SYNE2: variants seen among roughly 807,000 people sequenced by gnomAD.
SYNE2 encodes nesprin-2.
SYNE2 carries 431 observed loss-of-function variants against 856.3 expected under a neutral mutation model. That is an observed-to-expected ratio of 0.50 (90% CI 0.47 to 0.55). The LOEUF is 0.55. SYNE2 is among the 20% of genes least tolerant of loss of function. SYNE2 has a pLI of 0.00. For missense variants in SYNE2, 8,129 were observed against 8,023.2 expected (o/e 1.01, Z -0.50); for synonymous variants, 2,923 against 2,872.3 (o/e 1.02, Z -0.56).
chr14:64,096,843 A>G (rs1418024990), intron 61 of SYNE2, among the ~76,000 whole-genome samples: 1 of 152,226 alleles, frequency 6.6e-6, no homozygotes, highest in Non-Finnish European at 1.5e-5. Flanking sequence ...TTCTATGACT[A>G]TCTGTAGGAT....
chr14:63,894,506 C>T (rs894125117), intron 1 of SYNE2, among the ~76,000 whole-genome samples: 1 of 152,048 alleles, frequency 6.6e-6, no homozygotes, highest in African/African-American at 2.4e-5. Context: ...CAGGTGTGAG[C>T]CACTGCATCC....
Position 64,113,378 on chromosome 14 carries a change from C to G in SYNE2, c.12647C>G (p.Ser4216Cys). 4 of 1,614,126 alleles carry G rather than the reference C, an allele frequency of 2.5e-6. No homozygotes were observed. The highest frequency in any genetic ancestry group is 3.4e-6 in the Non-Finnish European group (4 of 1,180,040). The change falls in exon 66 of 116, where the codon TCT becomes TGT. Residue 4216 changes from serine to cysteine, a missense_variant. Ser to Cys is a moderately radical substitution (Grantham distance 112). Around this residue, in one of 3 missense-constraint regions of SYNE2, gnomAD observed 5,410 missense variants for 5,284.8 expected, o/e 1.02. Transcript: ENST00000555002. ...TPPIEADTLD[S>C]SDAQGGLEPR... Reference sequence around the variant, plus strand: ...CCTATTGAGGCTGACACTCTGGACTCTTCTGACGCGCAAGGAGGTTTGGAG... The same window carrying G: ...CCTATTGAGGCTGACACTCTGGACTGTTCTGACGCGCAAGGAGGTTTGGAG...
chr14:63,910,369 G>A (rs914915411), intron 2 of SYNE2, among the ~76,000 whole-genome samples: 5 of 152,184 alleles, frequency 3.3e-5, no homozygotes, highest in African/African-American at 1.2e-4. Context: ...ATCAATAGCT[G>A]TTAGAATAGA....
At chr14:63,779,518 T>C (rs71416309) in intron 1 of SYNE2, among the ~76,000 whole-genome samples, 1,869 of 150,284 alleles carry the variant, frequency 0.012, 35 homozygotes, top group Admixed American at 0.06. Flanking sequence ...CAGTGAAATA[T>C]TGAATTATTT....
chr14:64,009,913 A>G, intron 31 of SYNE2, 53 bp from the exon 32 acceptor site: 1 of 1,511,208 alleles, frequency 6.6e-7, no homozygotes, highest in South Asian at 1.1e-5. Context: ...AAAGAGAAAG[A>G]ACGGTTTTGC....
chr14:63,797,162 T>C (rs962162743), intron 1 of SYNE2, among the ~76,000 whole-genome samples: 3 of 150,326 alleles, frequency 2.0e-5, no homozygotes, highest in African/African-American at 4.9e-5. Flanking sequence ...TTTGAGAGGC[T>C]GAGGTGGGCA....
chr14:63,945,536 A>G (rs2096012518), intron 6 of SYNE2, among the ~76,000 whole-genome samples: 1 of 152,176 alleles, frequency 6.6e-6, no homozygotes, highest in South Asian at 2.1e-4. Context: ...ATCCAATTGT[A>G]TGAATATACC....
chr14:64,082,384 T>C (rs11625184), intron 57 of SYNE2, among the ~76,000 whole-genome samples: 3,145 of 152,026 alleles, frequency 0.021, 57 homozygotes, highest in Non-Finnish European at 0.033. Flanking sequence ...CATTCCAAAA[T>C]TTGAAAAAGT....
At chr14:64,224,975 A>T in intron 114 of SYNE2, 24 bp from the exon 115 acceptor site, 1 of 1,612,992 alleles carries the variant, frequency 6.2e-7, no homozygotes, top group African/African-American at 1.3e-5. Context: ...TCAACTTACT[A>T]ACTGGAGTTT....
At chr14:64,009,119 C>A (rs1164679848) in intron 31 of SYNE2, among the ~76,000 whole-genome samples, 1 of 152,138 alleles carries the variant, frequency 6.6e-6, no homozygotes, top group Non-Finnish European at 1.5e-5. Context: ...GCTAAAGTAA[C>A]TTATCCAGAG....
At position 64,225,432 on chromosome 14, in the gene SYNE2, C is replaced by A; in HGVS notation, c.20630C>A (p.Ser6877Tyr). 6.2e-7 allele frequency: 1 copy of A among 1,614,140 alleles called. No homozygotes were observed. The highest frequency in any genetic ancestry group is 1.6e-4 in the Middle Eastern group (1 of 6,062). ...CTGCTCCTGGCCTGCCTGCTGCCCT[C>A]CTCCGAAGAAGACTACAGCTGCACT... ...LLLLLACLLP[S>Y]SEEDYSCTQA... The change falls in exon 116 of 116, where the codon TCC becomes TAC. Residue 6877 changes from serine to tyrosine, a missense_variant. Around this residue, in one of 3 missense-constraint regions of SYNE2, gnomAD observed 5,410 missense variants for 5,284.8 expected, o/e 1.02. Transcript: ENST00000555002.
intron 1 of SYNE2, among the ~76,000 whole-genome samples, chr14:63,846,187 C>T (rs1474712194): frequency 6.6e-6 from 1 of 151,658 alleles, no homozygotes; most frequent in Non-Finnish European, 1.5e-5. Context: ...GAGCTGGGAC[C>T]TCAGGCACGC....
At chr14:63,978,797 C>G (rs896985236) in intron 13 of SYNE2, 55 bp from the exon 14 acceptor site, 1 of 1,471,312 alleles carries the variant, frequency 6.8e-7, no homozygotes, top group African/African-American at 1.4e-5. Context: ...GAACAGATTT[C>G]TCACATTTGG....
At chr14:64,035,287 C>T (rs2097077863) in intron 45 of SYNE2, among the ~76,000 whole-genome samples, 1 of 151,936 alleles carries the variant, frequency 6.6e-6, no homozygotes, top group Non-Finnish European at 1.5e-5. Flanking sequence ...AAACTACTTA[C>T]TGGAGAGTTT....
At chr14:64,070,528 A>C (rs546866960) in intron 51 of SYNE2, 117 bp from the exon 52 acceptor site, 10 of 806,590 alleles carry the variant, frequency 1.2e-5, no homozygotes, top group Non-Finnish European at 1.9e-5. Context: ...AAAACAGACT[A>C]GGATATGGCA....
intron 10 of SYNE2, among the ~76,000 whole-genome samples, chr14:63,966,713 C>T (rs1408674405): frequency 6.6e-6 from 1 of 151,864 alleles, no homozygotes; most frequent in Admixed American, 6.6e-5. Flanking sequence ...TGTGTGTCAC[C>T]ATGCCTAGCT....
chr14:64,140,705 T>C lies in SYNE2; in HGVS notation c.14976+632T>C, dbSNP rs146616904. On this transcript the variant is annotated intron_variant, in intron 80 of 115. Coordinates refer to ENST00000555002, the MANE Select transcript of SYNE2 (RefSeq NM_182914.3). Reference sequence around the variant, plus strand: ...TTAATAAATGCATAGTTTTAAATTATTGTAAACAAAATTGATATTTCTACT... The same window carrying C: ...TTAATAAATGCATAGTTTTAAATTACTGTAAACAAAATTGATATTTCTACT... Among the ~76,000 whole-genome samples, 3 of 152,336 alleles carry C rather than the reference T, an allele frequency of 2.0e-5. No homozygotes were observed. In the East Asian group the frequency reaches 5.8e-4, roughly 29 times the overall value.
chr14:63,861,449 C>T (rs576874058), intron 1 of SYNE2, among the ~76,000 whole-genome samples: 6 of 151,838 alleles, frequency 4.0e-5, no homozygotes, highest in Admixed American at 1.3e-4. Flanking sequence ...GGCCCTACCC[C>T]GTTGTATTTT....
At chr14:64,097,325 A>G (rs930984216) in intron 61 of SYNE2, among the ~76,000 whole-genome samples, 3 of 149,774 alleles carry the variant, frequency 2.0e-5, no homozygotes, top group Non-Finnish European at 4.4e-5. Flanking sequence ...TGAGCAGGAT[A>G]GACTCTGCTT....
Sources: gnomAD v4.1 joint callset for allele counts (sites outside exome capture counted in the v4.1 genomes callset) on GRCh38, gnomAD v4.1.1 for gene constraint, gnomAD v4.1.1 regional missense constraint, MANE v1.5 for transcripts, NCBI Gene and HGNC (gene_info 2026-07-23, HGNC 2026-07-21) for gene names.